MALRD1: variants seen among roughly 807,000 people sequenced by gnomAD.
The protein encoded by MALRD1 is MAM and LDL-receptor class A domain-containing protein 1.
MALRD1 carries 247 observed loss-of-function variants against 242.1 expected under a neutral mutation model. The observed-to-expected ratio is 1.02, with a 90% CI of 0.92 to 1.13. The LOEUF (loss-of-function observed/expected upper bound fraction) is 1.13. MALRD1 is among the 50% of genes most tolerant of loss of function. MALRD1 has a pLI of 0.00. For missense variants in MALRD1, 2,989 were observed against 2,533.1 expected (o/e 1.18, Z -3.86); for synonymous variants, 995 against 866.6 (o/e 1.15, Z -2.60).
chr10:19,575,483 T>TCACACA lies in MALRD1; in HGVS notation c.5680+7805_5680+7810dup, dbSNP rs66882231. Among the ~76,000 whole-genome samples, 855 of 148,544 alleles carry TCACACA rather than the reference T, an allele frequency of 5.8e-3. 11 individuals are homozygous for TCACACA. Among genetic ancestry groups the TCACACA allele is most frequent in the African/African-American group, 0.019 (771 of 40,392 alleles). Reference sequence around the variant, plus strand: ...GTGGAATGAAAGTAAAGGCCATGGTTCACACACACACACACACACACACAC... The same window carrying TCACACA: ...GTGGAATGAAAGTAAAGGCCATGGTTCACACACACACACACACACACACACACACAC... On this transcript the variant is annotated intron_variant, in intron 33 of 39. Transcript: ENST00000454679.
intron 5 of MALRD1, among the ~76,000 whole-genome samples, chr10:19,110,967 G>A (rs1310822314): frequency 6.6e-6 from 1 of 152,154 alleles, no homozygotes; most frequent in African/African-American, 2.4e-5. Flanking sequence ...AACTGTATTT[G>A]CATTACAAAT....
At chr10:19,530,422 A>AATTT (rs1564417447) in intron 31 of MALRD1, among the ~76,000 whole-genome samples, 1 of 25,252 alleles carries the variant, frequency 4.0e-5, no homozygotes, top group Admixed American at 5.7e-4. Flanking sequence ...TATAATAATA[A>AATTT]ATATATAATA....
At chr10:19,719,487 G>A (rs867193363) in intron 38 of MALRD1, among the ~76,000 whole-genome samples, 2 of 151,874 alleles carry the variant, frequency 1.3e-5, no homozygotes, top group South Asian at 2.1e-4. Context: ...GCCACAGCAA[G>A]AGTGCTTAAA....
At chr10:19,686,111 G>A (rs1842571957) in intron 36 of MALRD1, among the ~76,000 whole-genome samples, 1 of 152,102 alleles carries the variant, frequency 6.6e-6, no homozygotes, top group South Asian at 2.1e-4. Flanking sequence ...TAAGACAGAG[G>A]AAAGACACAG....
intron 5 of MALRD1, 96 bp downstream of exon 5, chr10:19,104,171 T>C: frequency 1.5e-6 from 1 of 648,100 alleles, no homozygotes; most frequent in South Asian, 8.2e-5. Flanking sequence ...TTTATTTTTG[T>C]CTGATGTTTT....
At chr10:19,491,230 A>G (rs1837479808) in intron 29 of MALRD1, 8 of 641,566 alleles carry the variant, frequency 1.2e-5, no homozygotes, top group South Asian at 5.9e-5. Context: ...GGTTCCAGGT[A>G]GTTGTGGGCC....
rs1846967662 is a variant in MALRD1 at position 19,403,748 on chromosome 10, A to G, written c.4845+14139A>G. On this transcript the variant is annotated intron_variant, in intron 28 of 39. Coordinates refer to ENST00000454679, the MANE Select transcript of MALRD1 (RefSeq NM_001142308.3). ...GTCATTCAGCAAATAAAATCGTACC[A>G]AAGTTAGAGCTGCATATGGCTCCTG... Among the ~76,000 whole-genome samples the G allele has an allele frequency of 2.0e-5, 3 of 152,124 alleles. 1 individual carries two copies. Among genetic ancestry groups the G allele is most frequent in the African/African-American group, 4.8e-5 (2 of 41,442 alleles).
At chr10:19,464,948 AT>A (rs60320410) in intron 29 of MALRD1, among the ~76,000 whole-genome samples, 39,135 of 130,440 alleles carry the variant, frequency 0.3, 5,208 homozygotes, top group Non-Finnish European at 0.33. Context: ...TATAATTCCA[AT>A]TTTTTTTTTT....
chr10:19,504,664 ATTTTTTTTTTTTTTT>A (rs759213931), intron 31 of MALRD1, among the ~76,000 whole-genome samples: 17 of 97,588 alleles, frequency 1.7e-4, no homozygotes, highest in African/African-American at 7.8e-4. Flanking sequence ...ATTGTAACAC[ATTTTTTTTTTTTTTT>A]TTTTTTTTTT....
intron 18 of MALRD1, among the ~76,000 whole-genome samples, chr10:19,256,115 T>C (rs1444392887): frequency 6.6e-6 from 1 of 152,078 alleles, no homozygotes; most frequent in East Asian, 1.9e-4. Context: ...TTCTCATTAA[T>C]AAGATAATGA....
chr10:19,570,676 T>A (rs1836485490), intron 33 of MALRD1, among the ~76,000 whole-genome samples: 1 of 152,058 alleles, frequency 6.6e-6, no homozygotes, highest in Non-Finnish European at 1.5e-5. Context: ...AAGAGTCTGT[T>A]GTTAAGTGTA....
At chr10:19,361,860 T>G (rs774655258) in intron 26 of MALRD1, among the ~76,000 whole-genome samples, 21 of 152,164 alleles carry the variant, frequency 1.4e-4, no homozygotes, top group Admixed American at 3.3e-4. Flanking sequence ...CAGTATTTCT[T>G]ATCAAAAGTT....
rs1834657089 is a variant in MALRD1, at chr10:19,165,648, G to A, written c.1668G>A (p.Trp556Ter). ...TASTPCQVQF[W>*]YHLSQHSNLS... is the part of the protein sequence containing the mutation. ...CATGTTTTCAACAGGTGCAGTTTTG[G>A]TATCATTTGTCTCAACATTCAAATC... is the stretch of plus-strand genomic sequence containing the variant. The change falls in exon 13 of 40, where the codon TGG becomes TGA. Residue 556 changes from tryptophan (W) to a stop codon, truncating the protein, a stop_gained. Coordinates refer to ENST00000454679, the MANE Select transcript of MALRD1 (RefSeq NM_001142308.3). LOFTEE classifies it high-confidence loss of function. 2 of 1,231,316 alleles carry A rather than the reference G, an allele frequency of 1.6e-6. No homozygotes were observed. The highest frequency in any genetic ancestry group is 2.0e-6 in the Non-Finnish European group (2 of 987,832). 76.3% of individuals were successfully genotyped at this position (1,231,316 alleles called of 1,614,324 possible).
At chr10:19,627,616 C>G (rs1389191687) in intron 36 of MALRD1, among the ~76,000 whole-genome samples, 1 of 151,608 alleles carries the variant, frequency 6.6e-6, no homozygotes, top group Admixed American at 6.6e-5. Flanking sequence ...AAAAAATTAA[C>G]CAGGCGTGGT....
rs1844426827 is a variant in MALRD1, at chr10:19,352,387, C to T, written c.4441+90C>T. On this transcript the variant is annotated intron_variant, in intron 26 of 39. Transcript: ENST00000454679. ...AAATGCAAAAGAAATAGCATAAACA[C>T]CTAGTAATTTATCACTTTCATAAAG... The T allele has an allele frequency of 2.6e-6, 3 of 1,133,108 alleles. No individual in the cohort carries two copies. The South Asian group carries it at 4.8e-5, about 18-fold the overall frequency. 70.2% of individuals were successfully genotyped at this position (1,133,108 alleles called of 1,614,324 possible).
chr10:19,369,306 TATA>T lies in MALRD1; in HGVS notation c.4441+17013_4441+17015del, dbSNP rs541391026. Among the ~76,000 whole-genome samples the T allele has an allele frequency of 1.5e-4, 22 of 147,034 alleles. No individual in the cohort carries two copies. In the East Asian group the frequency reaches 2.9e-3, roughly 20 times the overall value. ...TATAATATATATTATGTGATATAAA[TATA>T]ATACATAATAAAATATATAAATATA... On this transcript the variant is annotated intron_variant, in intron 26 of 39. Transcript: ENST00000454679.
chr10:19,336,881 T>G (rs924845471), intron 24 of MALRD1, among the ~76,000 whole-genome samples: 98 of 151,944 alleles, frequency 6.4e-4, no homozygotes, highest in African/African-American at 2.3e-3. Context: ...TAAAGAAAAA[T>G]AAAGACAAAA....
chr10:19,407,141 C>T (rs1279371832), intron 28 of MALRD1, among the ~76,000 whole-genome samples: 2 of 152,048 alleles, frequency 1.3e-5, no homozygotes, highest in East Asian at 3.9e-4. Context: ...AGCCTCAGTA[C>T]CTGTGCTTGT....
At chr10:19,469,475 G>A (rs1357692074) in intron 29 of MALRD1, among the ~76,000 whole-genome samples, 1 of 152,086 alleles carries the variant, frequency 6.6e-6, no homozygotes, top group African/African-American at 2.4e-5. Context: ...GCTCTTTTCT[G>A]AGCGATGTGT....
Sources: allele counts gnomAD v4.1 joint callset (sites outside exome capture counted in the v4.1 genomes callset), GRCh38; gene constraint gnomAD v4.1.1; transcripts MANE v1.5; gene names NCBI Gene and HGNC (gene_info 2026-07-23, HGNC 2026-07-21).